CXADR: variants seen among roughly 807,000 people sequenced by gnomAD.
The protein encoded by CXADR is CXADR cell adhesion molecule.
A neutral mutation model predicts 40.3 loss-of-function variants in CXADR; 20 were observed. That is an observed-to-expected ratio of 0.50 (90% CI 0.35 to 0.72). The LOEUF (loss-of-function observed/expected upper bound fraction) is 0.72, where lower values mean the gene tolerates loss of function less well. Ranked by LOEUF, CXADR falls within the 30% of genes least tolerant of loss-of-function variation. The probability of loss-of-function intolerance (pLI) is 0.01; values close to 1 mark genes in which losing one functional copy is unlikely to be tolerated. For synonymous variants in CXADR, 150 were observed against 161.3 expected (o/e 0.93, Z 0.53); for missense variants, 332 against 449.1 (o/e 0.74, Z 2.36).
At chr21:17,520,240 A>G (rs1031708332) in intron 1 of CXADR, among the ~76,000 whole-genome samples, 1 of 152,132 alleles carries the variant, frequency 6.6e-6, no homozygotes, top group African/African-American at 2.4e-5. Flanking sequence ...GCAAGTTGCA[A>G]AAGCTTTGGC....
intron 1 of CXADR, among the ~76,000 whole-genome samples, chr21:17,544,269 G>A (rs1352588831): frequency 6.6e-6 from 1 of 152,130 alleles, no homozygotes; most frequent in African/African-American, 2.4e-5. Flanking sequence ...ACACATTTAG[G>A]AGAAACACTT....
At chr21:17,540,003 C>G (rs2060806979) in intron 1 of CXADR, among the ~76,000 whole-genome samples, 2 of 152,100 alleles carry the variant, frequency 1.3e-5, no homozygotes, top group African/African-American at 4.8e-5. Context: ...ACAATAGAAA[C>G]TTGGTTTTTC....
chr21:17,608,334 C>G, the CXADR span, among the ~76,000 whole-genome samples: 1 of 151,596 alleles, frequency 6.6e-6, no homozygotes, highest in African/African-American at 2.4e-5. Context: ...GGTTATACCA[C>G]TGCACTCTAG....
chr21:17,555,901 G>A (rs2061028495), intron 3 of CXADR, among the ~76,000 whole-genome samples: 1 of 152,150 alleles, frequency 6.6e-6, no homozygotes, highest in South Asian at 2.1e-4. Context: ...TTCTTGGAAG[G>A]ATGACATCAT....
At chr21:17,616,604 C>A in the CXADR span, among the ~76,000 whole-genome samples, 1 of 151,976 alleles carries the variant, frequency 6.6e-6, no homozygotes, top group South Asian at 2.1e-4. Flanking sequence ...TTATAATGGA[C>A]ATGGAGGATT....
At chr21:17,548,489 C>G (rs1284920629) in intron 2 of CXADR, among the ~76,000 whole-genome samples, 1 of 152,196 alleles carries the variant, frequency 6.6e-6, no homozygotes, top group Non-Finnish European at 1.5e-5. Context: ...TCCCCCTTCT[C>G]TCCCTTCTCT....
chr21:17,575,513 C>T (rs1208919845), intron 7 of CXADR, among the ~76,000 whole-genome samples: 3 of 137,684 alleles, frequency 2.2e-5, no homozygotes, highest in African/African-American at 5.3e-5. Flanking sequence ...TTTTTTGAGG[C>T]GGAGTCTCGC....
At chr21:17,517,938 C>T (rs1431362350) in intron 1 of CXADR, among the ~76,000 whole-genome samples, 5 of 152,122 alleles carry the variant, frequency 3.3e-5, no homozygotes, top group African/African-American at 1.2e-4. Flanking sequence ...AGATATGTTA[C>T]CCATTACTCC....
At chr21:17,538,082 A>G (rs1044936534) in intron 1 of CXADR, among the ~76,000 whole-genome samples, 5 of 151,480 alleles carry the variant, frequency 3.3e-5, no homozygotes, top group East Asian at 1.9e-4. Context: ...GCTCACTGCA[A>G]CCTCCACCTC....
intron 1 of CXADR, among the ~76,000 whole-genome samples, chr21:17,525,519 T>C (rs1216862416): frequency 1.3e-5 from 2 of 152,218 alleles, no homozygotes; most frequent in Non-Finnish European, 1.5e-5. Context: ...TTCTCTTCAG[T>C]CTCTCTCACA....
chr21:17,598,886 A>AT, the CXADR span: 1 of 1,358,280 alleles, frequency 7.4e-7, no homozygotes, highest in Non-Finnish European at 1.0e-6. Flanking sequence ...AAAAATGTCC[A>AT]TAAAAACAAA....
At chr21:17,605,346 T>G in the CXADR span, among the ~76,000 whole-genome samples, 1 of 152,172 alleles carries the variant, frequency 6.6e-6, no homozygotes, top group African/African-American at 2.4e-5. Context: ...GCCAAGTTCC[T>G]ATACAAAAAA....
At chr21:17,582,963 T>G (rs1268300432) in intron 7 of CXADR, among the ~76,000 whole-genome samples, 1 of 152,164 alleles carries the variant, frequency 6.6e-6, no homozygotes, top group Non-Finnish European at 1.5e-5. Flanking sequence ...TGAGATAATT[T>G]TTTGGGAACA....
At chr21:17,540,940 T>C (rs2060819024) in intron 1 of CXADR, among the ~76,000 whole-genome samples, 1 of 152,164 alleles carries the variant, frequency 6.6e-6, no homozygotes, top group South Asian at 2.1e-4. Flanking sequence ...GGTTGTGTGC[T>C]CTCTTGTTAA....
chr21:17,565,849 G>T lies in CXADR; in HGVS notation c.*157G>T, dbSNP rs979576298. On this transcript the variant is annotated 3_prime_UTR_variant, in exon 7 of 7. Coordinates refer to ENST00000284878, the MANE Select transcript of CXADR (RefSeq NM_001338.5). ...AATATATTTTTAAAAATTTTTGTTT[G>T]GTTATATCGAAATAGTTACAGGCAC... is the stretch of plus-strand genomic sequence containing the variant. 3.8e-6 allele frequency: 5 copies of T among 1,314,404 alleles called. No individual in the cohort carries two copies. The highest frequency in any genetic ancestry group is 7.2e-5 in the Admixed American group (2 of 27,680). The allele number at this position is 1,314,404 out of a possible 1,614,324, so 81.4% of individuals were successfully genotyped here. A position where few individuals can be genotyped will look rare whatever the true frequency, so the allele number is the denominator to read the frequency against.
At chr21:17,594,419 AC>A, downstream of CXADR, 1 of 1,438,622 alleles carries the variant, frequency 7.0e-7, no homozygotes, top group Non-Finnish European at 9.4e-7. Context: ...AAACAAAGTT[AC>A]CCACAACACT....
chr21:17,601,096 G>A, the CXADR span, among the ~76,000 whole-genome samples: 1 of 152,052 alleles, frequency 6.6e-6, no homozygotes, highest in Non-Finnish European at 1.5e-5. Flanking sequence ...CTGGGAGGCA[G>A]AGGTTGCAGT....
At position 17,555,815 on chromosome 21, in the gene CXADR, T is replaced by C. The variant is rs1411521950; in HGVS notation, c.416-3161T>C. On this transcript the variant is annotated intron_variant, in intron 3 of 6. Coordinates refer to ENST00000284878, the MANE Select transcript of CXADR (RefSeq NM_001338.5). ...AGATATGTTATTTCTTATTTAACTT[T>C]TGCCTATTGATTTTAGCATCTATTG... 5.3e-5 allele frequency among the ~76,000 whole-genome samples: 8 copies of C among 152,350 alleles called. No homozygotes were observed. In the East Asian group the frequency reaches 1.5e-3, roughly 29 times the overall value.
chr21:17,574,998 C>CATACAT (rs144927360), downstream of CXADR, among the ~76,000 whole-genome samples: 68 of 38,096 alleles, frequency 1.8e-3, no homozygotes, highest in African/African-American at 3.4e-3. Context: ...TATATACACA[C>CATACAT]ACATACATAC....
Sources: allele counts gnomAD v4.1 joint callset (sites outside exome capture counted in the v4.1 genomes callset), GRCh38; gene constraint gnomAD v4.1.1; transcripts MANE v1.5; gene names NCBI Gene and HGNC (gene_info 2026-07-23, HGNC 2026-07-21).